VAT1L: variants seen among roughly 807,000 people sequenced by gnomAD.
VAT1L encodes putative NADPH-dependent quinone oxidoreductase VAT1L.
A neutral mutation model predicts 44.1 loss-of-function variants in VAT1L; 34 were observed. The observed-to-expected ratio is 0.77, with a 90% CI of 0.59 to 1.03. The LOEUF (loss-of-function observed/expected upper bound fraction) is 1.03, where lower values mean the gene tolerates loss of function less well. Among genes scored for constraint, VAT1L ranks in the 50% least tolerant of loss-of-function variants. The pLI is 0.00. For synonymous variants in VAT1L, 253 were observed against 202.2 expected (o/e 1.25, Z -2.13); for missense variants, 615 against 538.8 (o/e 1.14, Z -1.40).
intron 7 of VAT1L, among the ~76,000 whole-genome samples, chr16:77,895,944 C>T (rs1462510627): frequency 2.0e-5 from 3 of 152,142 alleles, no homozygotes; most frequent in African/African-American, 4.8e-5. Flanking sequence ...AGGGCTGAGA[C>T]CCAGGCCTGT....
intron 2 of VAT1L, among the ~76,000 whole-genome samples, chr16:77,824,491 C>T (rs1207798548): frequency 6.6e-6 from 1 of 152,118 alleles, no homozygotes; most frequent in Admixed American, 6.5e-5. Flanking sequence ...CACGGTGGCT[C>T]ACGCCTGTAA....
rs1050388227 is a variant in VAT1L at position 77,808,278 on chromosome 16, C to A, written c.234-8643C>A. On this transcript the variant is annotated intron_variant, in intron 1 of 8. Coordinates refer to ENST00000302536, the MANE Select transcript of VAT1L (RefSeq NM_020927.3). ...GTGTACTTCTTATGAAAATCTAATG[C>A]CTGATGATCTGTCACTATCTCCTGT... Among the ~76,000 whole-genome samples, 11 of 152,200 alleles carry A rather than the reference C, an allele frequency of 7.2e-5. No homozygotes were observed. In the East Asian group the frequency reaches 1.4e-3, roughly 19 times the overall value.
chr16:77,935,224 G>C (rs8055891), intron 7 of VAT1L, among the ~76,000 whole-genome samples: 29,995 of 152,116 alleles, frequency 0.2, 3,184 homozygotes, highest in African/African-American at 0.29. Flanking sequence ...GGTTGTAGGA[G>C]ATGTCTCTTC....
intron 7 of VAT1L, among the ~76,000 whole-genome samples, chr16:77,891,839 G>A (rs189309903): frequency 1.4e-4 from 22 of 152,312 alleles, no homozygotes; most frequent in African/African-American, 4.8e-4. Context: ...TTGGGAGGGC[G>A]AGGTGGGTGG....
chr16:77,802,562 C>T (rs567386930), intron 1 of VAT1L, among the ~76,000 whole-genome samples: 80 of 150,636 alleles, frequency 5.3e-4, no homozygotes, highest in Admixed American at 1.3e-3. Flanking sequence ...GGCAGTGAGC[C>T]GAGATTGTGC....
intron 7 of VAT1L, among the ~76,000 whole-genome samples, chr16:77,922,559 G>A (rs1395314146): frequency 6.6e-6 from 1 of 152,326 alleles, no homozygotes; most frequent in Middle Eastern, 3.4e-3. Flanking sequence ...GTGATGAAGA[G>A]AGAGGTGCTG....
At chr16:77,953,456 T>C (rs539012475) in intron 7 of VAT1L, among the ~76,000 whole-genome samples, 29 of 152,336 alleles carry the variant, frequency 1.9e-4, no homozygotes, top group Admixed American at 1.8e-3. Context: ...AATTGTTTAC[T>C]TGGTTGAAGT....
At chr16:77,924,107 A>C (rs940544867) in intron 7 of VAT1L, among the ~76,000 whole-genome samples, 2 of 152,166 alleles carry the variant, frequency 1.3e-5, no homozygotes, top group African/African-American at 4.8e-5. Context: ...TGTGTACATA[A>C]TACAGATGTC....
intron 7 of VAT1L, among the ~76,000 whole-genome samples, chr16:77,945,363 C>T (rs184074184): frequency 1.1e-3 from 156 of 144,438 alleles, no homozygotes; most frequent in Non-Finnish European, 1.6e-3. Flanking sequence ...CATAGCTCAC[C>T]GCAGCCTCAA....
intron 1 of VAT1L, among the ~76,000 whole-genome samples, chr16:77,813,248 G>A (rs1039479917): frequency 6.6e-6 from 1 of 152,060 alleles, no homozygotes; most frequent in Non-Finnish European, 1.5e-5. Context: ...TTTACTGTGT[G>A]GCCTTGGGTA....
Position 77,873,428 on chromosome 16 carries a change from A to T in VAT1L, c.723-2942A>T, listed in dbSNP as rs185189611. Among the ~76,000 whole-genome samples the T allele has an allele frequency of 3.2e-3, 481 of 152,330 alleles. 1 individual carries two copies. Among genetic ancestry groups the T allele is most frequent in the Non-Finnish European group, 5.0e-3 (340 of 68,036 alleles). ...GGAAGCACACATATAGAGACACAGAATAGCAGTCTTAAACTGTTTTCTTCA... is the reference window on the plus strand; with the variant it reads ...GGAAGCACACATATAGAGACACAGATTAGCAGTCTTAAACTGTTTTCTTCA... On this transcript the variant is annotated intron_variant, in intron 4 of 8. Coordinates refer to ENST00000302536, the MANE Select transcript of VAT1L (RefSeq NM_020927.3).
chr16:77,909,603 C>T (rs1471445338), intron 7 of VAT1L, among the ~76,000 whole-genome samples: 9 of 145,336 alleles, frequency 6.2e-5, no homozygotes, highest in African/African-American at 1.5e-4. Flanking sequence ...CAACACCGCA[C>T]TCCAGCCTGG....
chr16:77,860,402 AG>A (rs1244409245), intron 3 of VAT1L, among the ~76,000 whole-genome samples: 7 of 152,342 alleles, frequency 4.6e-5, no homozygotes, highest in Non-Finnish European at 7.3e-5. Context: ...CTCAGTGGGC[AG>A]CTTGGGACCG....
At chr16:77,790,766 A>G (rs982151419) in intron 1 of VAT1L, among the ~76,000 whole-genome samples, 3 of 152,184 alleles carry the variant, frequency 2.0e-5, no homozygotes, top group Admixed American at 6.5e-5. Flanking sequence ...TGATAAAACT[A>G]CTTTTTAAAG....
At chr16:77,805,050 G>A (rs1157002897) in intron 1 of VAT1L, among the ~76,000 whole-genome samples, 1 of 152,168 alleles carries the variant, frequency 6.6e-6, no homozygotes, top group South Asian at 2.1e-4. Flanking sequence ...AAGGGGACCA[G>A]TGTCAAGAGC....
chr16:77,888,908 G>A (rs1274474609), intron 7 of VAT1L, among the ~76,000 whole-genome samples: 4 of 152,190 alleles, frequency 2.6e-5, no homozygotes, highest in Non-Finnish European at 5.9e-5. Flanking sequence ...TAGCCTGTTT[G>A]CCAACAACAG....
chr16:77,930,496 T>C (rs1597104418), intron 7 of VAT1L, among the ~76,000 whole-genome samples: 1 of 152,052 alleles, frequency 6.6e-6, no homozygotes, highest in African/African-American at 2.4e-5. Flanking sequence ...AGGTGTGAGG[T>C]AGATAACCCC....
At position 77,880,051 on chromosome 16, in the gene VAT1L, A is replaced by G. The variant is rs190492770; in HGVS notation, c.882+827A>G. On this transcript the variant is annotated intron_variant, in intron 6 of 8. Coordinates refer to ENST00000302536, the MANE Select transcript of VAT1L (RefSeq NM_020927.3). ...TGATCATGCTTTCAATATGGTGGTT[A>G]GTTTGTCGGCCATTGCAAAGCGACA... Among the ~76,000 whole-genome samples, 391 of 152,288 alleles carry G rather than the reference A, an allele frequency of 2.6e-3. 2 individuals carry two copies. Among genetic ancestry groups the G allele is most frequent in the African/African-American group, 9.0e-3 (373 of 41,568 alleles).
chr16:77,809,925 C>T (rs1389431773), intron 1 of VAT1L, among the ~76,000 whole-genome samples: 1 of 152,196 alleles, frequency 6.6e-6, no homozygotes, highest in African/African-American at 2.4e-5. Flanking sequence ...TTATCAGCAA[C>T]TTGGATGTAG....
Sources: gnomAD v4.1 joint callset for allele counts (sites outside exome capture counted in the v4.1 genomes callset) on GRCh38, gnomAD v4.1.1 for gene constraint, MANE v1.5 for transcripts, NCBI Gene and HGNC (gene_info 2026-07-23, HGNC 2026-07-21) for gene names.